SSBP3: variants seen among roughly 807,000 people sequenced by gnomAD.
SSBP3 encodes single stranded DNA binding protein 3.
A neutral mutation model predicts 69.6 loss-of-function variants in SSBP3; 5 were observed. The observed-to-expected ratio is 0.07, with a 90% confidence interval of 0.04 to 0.15. The LOEUF (loss-of-function observed/expected upper bound fraction) is 0.15. SSBP3 is among the 10% of genes least tolerant of loss of function. The probability of loss-of-function intolerance (pLI) is 1.00; values close to 1 mark genes in which losing one functional copy is unlikely to be tolerated. For missense variants in SSBP3, 312 were observed against 534.0 expected, an observed-to-expected ratio of 0.58 and a Z score of 4.10; for synonymous variants, 196 against 193.4, an observed-to-expected ratio of 1.01 and a Z score of -0.11.
chr1:54,287,639 G>T (rs1407004886), intron 4 of SSBP3, among the ~76,000 whole-genome samples: 1 of 152,012 alleles, frequency 6.6e-6, no homozygotes, highest in Non-Finnish European at 1.5e-5. Context: ...GCAAACTATG[G>T]AGTAACCCGG....
chr1:54,402,342 TTCTAA>T (rs1179216085), intron 3 of SSBP3, among the ~76,000 whole-genome samples: 3 of 152,164 alleles, frequency 2.0e-5, no homozygotes, highest in African/African-American at 4.8e-5. Context: ...ATCCATACTG[TTCTAA>T]TCTGTTTCCT....
At position 54,227,987 on chromosome 1, in the gene SSBP3, C is replaced by G. The variant is rs191486184; in HGVS notation, c.1137+268G>C. Among the ~76,000 whole-genome samples, 446 of 152,334 alleles carry G rather than the reference C, an allele frequency of 2.9e-3. 4 individuals are homozygous for G. Among genetic ancestry groups the G allele is most frequent in the Non-Finnish European group, 3.8e-3 (260 of 68,036 alleles). On this transcript the variant is annotated intron_variant, in intron 17 of 17. Transcript: ENST00000610401. The stretch of plus-strand genomic sequence containing the variant: ...GGCAATACTGCCCCAACTCTCTCAG[C>G]CCAGGGCTCTCCCGGCCGTATCAGC...
Position 54,294,954 on chromosome 1 carries a change from C to T in SSBP3, c.277-13427G>A, listed in dbSNP as rs1401075885. Among the ~76,000 whole-genome samples the T allele has an allele frequency of 4.6e-5, 7 of 152,242 alleles. No individual in the cohort carries two copies. In the East Asian group the frequency reaches 1.4e-3, roughly 29 times the overall value. ...TGAAAATGCATCCCACAAGCAGAGG[C>T]TCCTCCACCAAACTAGGGACTGTCC... On this transcript the variant is annotated intron_variant, in intron 4 of 17. Coordinates refer to ENST00000610401, the Ensembl canonical transcript of SSBP3.
At chr1:54,343,298 G>A (rs116598331) in intron 4 of SSBP3, among the ~76,000 whole-genome samples, 10 of 152,318 alleles carry the variant, frequency 6.6e-5, no homozygotes, top group African/African-American at 2.4e-4. Flanking sequence ...CTAACTGTAC[G>A]GCCCTGGACA....
At chr1:54,301,615 C>T (rs1379466539) in intron 4 of SSBP3, among the ~76,000 whole-genome samples, 4 of 152,196 alleles carry the variant, frequency 2.6e-5, no homozygotes, top group Non-Finnish European at 5.9e-5. Flanking sequence ...AAGAGGCGCT[C>T]AGGCCAGGGA....
intron 4 of SSBP3, 48 bp downstream of exon 4, chr1:54,401,813 G>A: frequency 6.6e-7 from 1 of 1,520,072 alleles, no homozygotes; most frequent in Non-Finnish European, 9.1e-7. Context: ...AGAAGTTAGA[G>A]CTATCCAACC....
intron 4 of SSBP3, among the ~76,000 whole-genome samples, chr1:54,336,465 G>T (rs770229682): frequency 6.6e-6 from 1 of 152,034 alleles, no homozygotes; most frequent in Non-Finnish European, 1.5e-5. Flanking sequence ...TGGCTCCCAT[G>T]CACACGCAGG....
At chr1:54,332,281 T>C (rs1237203812) in intron 4 of SSBP3, among the ~76,000 whole-genome samples, 1 of 152,140 alleles carries the variant, frequency 6.6e-6, no homozygotes, top group Non-Finnish European at 1.5e-5. Context: ...CACATGGCAG[T>C]CACAGATACA....
chr1:54,289,036 AC>A (rs369820845), intron 4 of SSBP3, among the ~76,000 whole-genome samples: 2,291 of 52,406 alleles, frequency 0.044, 61 homozygotes, highest in African/African-American at 0.15. Flanking sequence ...AAAAAAAAAA[AC>A]AAAAAAACAA....
At chr1:54,381,663 C>T (rs931975134) in intron 4 of SSBP3, among the ~76,000 whole-genome samples, 55 of 152,208 alleles carry the variant, frequency 3.6e-4, no homozygotes, top group African/African-American at 1.3e-3. Context: ...CACCCACCCA[C>T]GCTGGGACCA....
intron 5 of SSBP3, among the ~76,000 whole-genome samples, chr1:54,265,511 C>T (rs1020299419): frequency 4.6e-5 from 7 of 152,192 alleles, no homozygotes; most frequent in Non-Finnish European, 7.3e-5. Flanking sequence ...CGGGCTTCTG[C>T]GTGGTCCCCG....
chr1:54,371,256 GT>G (rs1340606172), intron 4 of SSBP3, among the ~76,000 whole-genome samples: 1 of 152,252 alleles, frequency 6.6e-6, no homozygotes, highest in African/African-American at 2.4e-5. Flanking sequence ...TTAAGATTAG[GT>G]TTAGAGCGCA....
intron 4 of SSBP3, among the ~76,000 whole-genome samples, chr1:54,380,265 C>A (rs748760986): frequency 6.6e-6 from 1 of 152,126 alleles, no homozygotes; most frequent in African/African-American, 2.4e-5. Flanking sequence ...AAGTCACACA[C>A]CCCCTCCTTT....
chr1:54,371,330 G>A (rs1014208293), intron 4 of SSBP3, among the ~76,000 whole-genome samples: 4 of 152,212 alleles, frequency 2.6e-5, no homozygotes, highest in African/African-American at 4.8e-5. Context: ...GAGCTCAAGC[G>A]CCCAAGTGGA....
At chr1:54,331,402 T>C (rs1451576876) in intron 4 of SSBP3, among the ~76,000 whole-genome samples, 1 of 152,062 alleles carries the variant, frequency 6.6e-6, no homozygotes, top group East Asian at 1.9e-4. Flanking sequence ...GTTCAGAAAA[T>C]CGTGCCACTT....
rs188230980 is a variant in SSBP3, at chr1:54,381,823, G to A, written c.276+20038C>T. 5.3e-5 allele frequency among the ~76,000 whole-genome samples: 8 copies of A among 152,362 alleles called. No individual in the cohort carries two copies. The East Asian group carries it at 1.3e-3, about 26-fold the overall frequency. ...AAGGGTGACCCCACAATCCCCTGAG[G>A]GGATGCTGGGAAGCATTCCTGTGCC... is the stretch of plus-strand genomic sequence containing the variant. On this transcript the variant is annotated intron_variant, in intron 4 of 17. Coordinates refer to ENST00000610401, the Ensembl canonical transcript of SSBP3.
At chr1:54,231,587 C>CT (rs1644379777) in intron 14 of SSBP3, among the ~76,000 whole-genome samples, 1 of 152,232 alleles carries the variant, frequency 6.6e-6, no homozygotes, top group Non-Finnish European at 1.5e-5. Context: ...TCTAAGAAGG[C>CT]TTTGCTTAAC....
Position 54,337,377 on chromosome 1 carries a change from C to T in SSBP3, c.277-55850G>A, listed in dbSNP as rs1040748414. Among the ~76,000 whole-genome samples, 8 of 149,366 alleles carry T rather than the reference C, an allele frequency of 5.4e-5. No individual in the cohort carries two copies. In the South Asian group the frequency reaches 8.9e-4, roughly 17 times the overall value. On this transcript the variant is annotated intron_variant, in intron 4 of 17. Transcript: ENST00000610401. ...CTGGCCTGCCCTCTCAAGGAAGAGG[C>T]GCAGGGATCTTAGGGCAGGCTTTGT...
intron 3 of SSBP3, among the ~76,000 whole-genome samples, chr1:54,402,619 G>A (rs1218444644): frequency 6.7e-6 from 1 of 150,022 alleles, no homozygotes; most frequent in Non-Finnish European, 1.5e-5. Flanking sequence ...GCAAAGGACA[G>A]GTCATGGACA....
Sources: allele counts gnomAD v4.1 joint callset (sites outside exome capture counted in the v4.1 genomes callset), GRCh38; gene constraint gnomAD v4.1.1; transcripts MANE v1.5; gene names NCBI Gene and HGNC (gene_info 2026-07-23, HGNC 2026-07-21).